The following TAB2 variants were observed in gnomAD, a reference collection of about 807,000 sequenced individuals.
TAB2 encodes the protein TGF-beta activated kinase 1 (MAP3K7) binding protein 2, also known as TGF-beta-activated kinase 1 and MAP3K7-binding protein 2.
A neutral mutation model predicts 65.0 loss-of-function variants in TAB2; 3 were observed. The ratio of observed to expected loss-of-function variants is 0.05; its 90% CI spans 0.02 to 0.12. TAB2 has a LOEUF of 0.12. TAB2 is among the 10% of genes least tolerant of loss of function. The pLI, the probability that TAB2 is intolerant of heterozygous loss-of-function variation, is 1.00. For missense variants in TAB2, 623 were observed against 840.3 expected (o/e 0.74, Z 3.20); for synonymous variants, 298 against 285.1 (o/e 1.05, Z -0.46).
chr6:149,254,447 G>A (rs1344047820), intron 1 of TAB2, among the ~76,000 whole-genome samples: 6 of 152,122 alleles, frequency 3.9e-5, no homozygotes, highest in South Asian at 2.1e-4. Context: ...GTCATATGAC[G>A]ACTGTTTCTG....
rs751787679 is a variant in TAB2, at chr6:149,370,019, A to G, written c.22A>G (p.Ile8Val). MAQGSHQIDFQVLHDLRQ... is the reference protein window; with the variant it reads MAQGSHQVDFQVLHDLRQ... ...ACGAATGGCCCAAGGAAGCCACCAA[A>G]TTGATTTTCAGGTTTTACATGACCT... Residue 8 changes from isoleucine to valine, a missense_variant, in exon 2 of 7, where the codon ATT becomes GTT. Ile to Val is a conservative substitution (Grantham distance 29). Transcript: ENST00000637181. 2.5e-6 allele frequency: 4 copies of G among 1,614,082 alleles called. No individual in the cohort carries two copies. In the East Asian group the frequency reaches 6.7e-5, roughly 27 times the overall value.
In TAB2 at chr6:149,341,133, A is replaced by C. The variant is rs1450155793; in HGVS notation, c.-90+23118A>C. On this transcript the variant is annotated intron_variant, in intron 1 of 6. Coordinates refer to ENST00000637181, the MANE Select transcript of TAB2 (RefSeq NM_001292034.3). ...CCGGATCTATATATAACTTTTTAACAAGAGATGTGTTGACAGAAGTATTTT... is the reference window on the plus strand; with the variant it reads ...CCGGATCTATATATAACTTTTTAACCAGAGATGTGTTGACAGAAGTATTTT... Among the ~76,000 whole-genome samples the C allele has an allele frequency of 2.6e-5, 4 of 152,114 alleles. No homozygotes were observed. In the East Asian group the frequency reaches 7.7e-4, roughly 29 times the overall value.
intron 1 of TAB2, chr6:149,245,618 T>C (rs1260311735): frequency 6.6e-6 from 1 of 152,146 alleles, no homozygotes; most frequent in Non-Finnish European, 1.5e-5. Flanking sequence ...CTGTCCACGC[T>C]TATACAACTA....
chr6:149,333,180 A>G (rs1477497519), intron 1 of TAB2, among the ~76,000 whole-genome samples: 1 of 152,340 alleles, frequency 6.6e-6, no homozygotes, highest in African/African-American at 2.4e-5. Context: ...TTCGAAAGTA[A>G]ATGAGCTTTT....
chr6:149,274,468 T>C (rs1283629994), intron 1 of TAB2, among the ~76,000 whole-genome samples: 2 of 152,228 alleles, frequency 1.3e-5, no homozygotes, highest in Non-Finnish European at 2.9e-5. Context: ...CCTGTATTTT[T>C]CCCTTTCTAC....
intron 1 of TAB2, among the ~76,000 whole-genome samples, chr6:149,294,884 G>A (rs1448705792): frequency 6.6e-6 from 1 of 152,152 alleles, no homozygotes; most frequent in African/African-American, 2.4e-5. Context: ...GATCATTATT[G>A]TAAGAGTGCC....
chr6:149,301,291 G>C (rs1246921820), intron 1 of TAB2, among the ~76,000 whole-genome samples: 1 of 152,226 alleles, frequency 6.6e-6, no homozygotes, highest in African/African-American at 2.4e-5. Flanking sequence ...CCAGCAGACA[G>C]TAACAGGGGA....
intron 2 of TAB2, among the ~76,000 whole-genome samples, chr6:149,371,340 C>T (rs115395293): frequency 1.6e-4 from 24 of 152,178 alleles, no homozygotes; most frequent in African/African-American, 5.5e-4. Flanking sequence ...TCCCTGTGCC[C>T]TTCTGAATGA....
At chr6:149,336,571 T>C (rs1779941926) in intron 1 of TAB2, among the ~76,000 whole-genome samples, 4 of 152,112 alleles carry the variant, frequency 2.6e-5, no homozygotes, top group Admixed American at 2.6e-4. Context: ...AAATGTTGAT[T>C]CATAAAGCAT....
chr6:149,405,407 A>G (rs968642051), intron 6 of TAB2, among the ~76,000 whole-genome samples: 2 of 152,354 alleles, frequency 1.3e-5, no homozygotes, highest in East Asian at 1.9e-4. Context: ...TACTGAGCAT[A>G]TATCCAAAGG....
intron 1 of TAB2, chr6:149,342,516 C>T: frequency 6.6e-6 from 1 of 152,156 alleles, no homozygotes; most frequent in Admixed American, 6.5e-5. Flanking sequence ...CCAAAGTAAA[C>T]AGCATCCTTT....
chr6:149,362,303 G>A (rs1246453829), intron 1 of TAB2, among the ~76,000 whole-genome samples: 1 of 152,208 alleles, frequency 6.6e-6, no homozygotes, highest in East Asian at 1.9e-4. Flanking sequence ...ATGGTGCTGG[G>A]CATCTGCTTC....
At chr6:149,224,678 T>A (rs1777229787) in intron 1 of TAB2, among the ~76,000 whole-genome samples, 1 of 152,156 alleles carries the variant, frequency 6.6e-6, no homozygotes, top group African/African-American at 2.4e-5. Context: ...AGAGCACAAA[T>A]GTCTCAAAGA....
intron 1 of TAB2, among the ~76,000 whole-genome samples, chr6:149,255,723 A>T (rs2114661723): frequency 6.6e-6 from 1 of 152,206 alleles, no homozygotes; most frequent in East Asian, 1.9e-4. Context: ...ATGGGCCTTG[A>T]TGTTTAACAT....
chr6:149,351,509 C>T (rs1416668957), intron 1 of TAB2, among the ~76,000 whole-genome samples: 1 of 152,222 alleles, frequency 6.6e-6, no homozygotes, highest in South Asian at 2.1e-4. Flanking sequence ...CTCCATTTTA[C>T]GAAGAATGAA....
Position 149,378,976 on chromosome 6 carries a change from C to T in TAB2, c.1061C>T (p.Ser354Leu), listed in dbSNP as rs1421904103. 6.2e-7 allele frequency: 1 copy of T among 1,614,212 alleles called. No individual in the cohort carries two copies. The highest frequency in any genetic ancestry group is 1.1e-5 in the South Asian group (1 of 91,088). The change falls in exon 3 of 7, where the codon TCA becomes TTA. Residue 354 changes from serine to leucine, a missense_variant. Physicochemically the swap from Ser to Leu is moderately radical, Grantham distance 145. Coordinates refer to ENST00000637181, the MANE Select transcript of TAB2 (RefSeq NM_001292034.3). ...SGPRTSSTSS[S>L]VNSQTLNRNQ... Reference sequence around the variant, plus strand: ...CCTCGAACCTCCAGCACTTCCTCTTCAGTCAATAGCCAGACCTTAAACAGA... The same window carrying T: ...CCTCGAACCTCCAGCACTTCCTCTTTAGTCAATAGCCAGACCTTAAACAGA...
chr6:149,303,725 T>G (rs1779010177), intron 1 of TAB2, among the ~76,000 whole-genome samples: 1 of 152,242 alleles, frequency 6.6e-6, no homozygotes, highest in African/African-American at 2.4e-5. Flanking sequence ...AACTTTGCAT[T>G]TTACTGGACT....
At chr6:149,287,069 A>T (rs1003828051) in intron 1 of TAB2, among the ~76,000 whole-genome samples, 2 of 152,228 alleles carry the variant, frequency 1.3e-5, no homozygotes, top group Non-Finnish European at 2.9e-5. Context: ...GTGAGCCGAG[A>T]CGGAGCCACT....
chr6:149,405,709 CAGAG>C (rs1307727983), intron 6 of TAB2, among the ~76,000 whole-genome samples: 6 of 152,204 alleles, frequency 3.9e-5, no homozygotes, highest in East Asian at 1.9e-4. Flanking sequence ...CTCCTGGAAA[CAGAG>C]AGCAGAACGG....
Sources: allele counts gnomAD v4.1 joint callset (sites outside exome capture counted in the v4.1 genomes callset), GRCh38; gene constraint gnomAD v4.1.1; transcripts MANE v1.5; gene names NCBI Gene and HGNC (gene_info 2026-07-23, HGNC 2026-07-21).